Variants in DMAP1 observed in about 807,000 individuals in gnomAD.
DMAP1 encodes DNA methyltransferase 1-associated protein 1.
Under a neutral mutation model 52.7 loss-of-function variants are expected in DMAP1, and 26 were observed. That is an observed-to-expected ratio of 0.49 (90% CI 0.36 to 0.68). The LOEUF is 0.68. Among genes scored for constraint, DMAP1 ranks in the 30% least tolerant of loss-of-function variants. The pLI is 0.00. For synonymous variants in DMAP1, 231 were observed against 246.0 expected, an observed-to-expected ratio of 0.94 and a Z score of 0.57; for missense variants, 439 against 625.2, an observed-to-expected ratio of 0.70 and a Z score of 3.18.
At chr1:44,217,223 CA>C (rs1276748239) in intron 3 of DMAP1, 2 of 152,134 alleles carry the variant, frequency 1.3e-5, no homozygotes, top group African/African-American at 4.8e-5. Context: ...CATCATAGAC[CA>C]GGGGTAAGTG....
intron 2 of DMAP1, 58 bp downstream of exon 2, chr1:44,214,499 C>T (rs1333888998): frequency 1.9e-6 from 3 of 1,613,428 alleles, no homozygotes; most frequent in Non-Finnish European, 2.5e-6. Flanking sequence ...CTGCCATGCC[C>T]CTAACTCCTA....
intron 3 of DMAP1, chr1:44,216,541 G>C (rs897300309): frequency 1.3e-5 from 2 of 152,188 alleles, no homozygotes; most frequent in African/African-American, 4.8e-5. Context: ...TGAGTTGTTG[G>C]TTTGTTTGTT....
chr1:44,216,729 C>T (rs1166789420), intron 3 of DMAP1: 3 of 152,194 alleles, frequency 2.0e-5, no homozygotes, highest in Admixed American at 1.3e-4. Flanking sequence ...AGGGGGAAGT[C>T]TGCTATGTTC....
intron 2 of DMAP1, 42 bp downstream of exon 2, chr1:44,214,483 A>C: frequency 1.2e-6 from 2 of 1,613,588 alleles, no homozygotes; most frequent in Non-Finnish European, 1.7e-6. Context: ...TTGGCCCCTG[A>C]TTCACCTGCC....
In DMAP1 at chr1:44,214,884, G is replaced by T; in HGVS notation, c.379G>T (p.Ala127Ser). Residue 127 changes from alanine (A) to serine (S), a missense_variant, in exon 3 of 10, where the codon GCC becomes TCC. By Grantham distance (99) the Ala-to-Ser change is moderately conservative. This residue lies in a region of DMAP1 where 118 missense variants were observed against 189.8 expected (regional missense o/e 0.62). Transcript: ENST00000372289. ...GGAGGAGGGCAAGGACTACCCCTTT[G>T]CCAGGTTCAATAAGGTAAGCTACCT... ...AAEEGKDYPF[A>S]RFNKTVQVPV... 1 of 1,614,172 alleles carries T rather than the reference G, an allele frequency of 6.2e-7. No individual in the cohort carries two copies. The highest frequency in any genetic ancestry group is 8.5e-7 in the Non-Finnish European group (1 of 1,180,026).
Position 44,218,472 on chromosome 1 carries a change from G to A in DMAP1, c.552+3G>A. On this transcript the variant is annotated splice_donor_region_variant and intron_variant, in intron 4 of 9. Coordinates refer to ENST00000372289, the MANE Select transcript of DMAP1 (RefSeq NM_019100.5). This position sits in a 1 kb window ranked among gnomAD's most constrained non-coding sequence, Gnocchi z 5.6. The stretch of plus-strand genomic sequence containing the variant: ...GGTATGACCACCAGCAGTTCAAGGT[G>A]AGCCATTGTGTATTTGCATGGGTGC... 1.2e-6 allele frequency: 2 copies of A among 1,613,950 alleles called. No homozygotes were observed. Among genetic ancestry groups the A allele is most frequent in the Non-Finnish European group, 1.7e-6 (2 of 1,179,804 alleles).
At chr1:44,214,631 C>T (rs760925702) in intron 2 of DMAP1, 72 bp from the exon 3 acceptor site, 256 of 1,613,284 alleles carry the variant, frequency 1.6e-4, no homozygotes, top group Non-Finnish European at 2.0e-4. Flanking sequence ...GGTAGATCAG[C>T]TCCCTGGGAC....
chr1:44,215,518 A>T (rs1210377898), intron 3 of DMAP1: 2 of 339,580 alleles, frequency 5.9e-6, no homozygotes, highest in Non-Finnish European at 1.2e-5. Flanking sequence ...AACAAACAAC[A>T]AACATGTAAG....
Position 44,213,950 on chromosome 1 carries a change from T to TA in DMAP1, c.105+93dup, listed in dbSNP as rs979910172. On this transcript the variant is annotated intron_variant, in intron 1 of 9. Transcript: ENST00000372289. This position sits in a 1 kb window ranked among gnomAD's most constrained non-coding sequence, Gnocchi z 4.5. ...ACGGGCAAGGGATGGGTGCTACACT[T>TA]ACAGTGAGTTGGGCGATAAAAGGGG... The TA allele has an allele frequency of 1.4e-5, 16 of 1,155,112 alleles. No homozygotes were observed. The highest frequency in any genetic ancestry group is 1.9e-5 in the Non-Finnish European group (15 of 797,138). 71.6% of individuals were successfully genotyped at this position (1,155,112 alleles called of 1,614,324 possible). A position where few individuals can be genotyped will look rare whatever the true frequency, so the allele number is the denominator to read the frequency against.
rs773525336 is a variant in DMAP1, at chr1:44,220,002, G to A, written c.1052-15G>A. The A allele has an allele frequency of 6.9e-6, 11 of 1,597,546 alleles. No homozygotes were observed. Among genetic ancestry groups the A allele is most frequent in the Non-Finnish European group, 8.6e-6 (10 of 1,168,950 alleles). On this transcript the variant is annotated splice_polypyrimidine_tract_variant and intron_variant, in intron 8 of 9. Transcript: ENST00000372289. ...CACCTGGGCTCTGCCCGTGCTGCCT[G>A]CCGCCTGCCTGCAGAGCTGAGCCCG... is the stretch of plus-strand genomic sequence containing the variant.
At chr1:44,214,975 T>C (rs773972985) in intron 3 of DMAP1, 77 bp downstream of exon 3, 30 of 1,565,620 alleles carry the variant, frequency 1.9e-5, no homozygotes, top group Non-Finnish European at 2.6e-5. Context: ...TCCAGTCTCC[T>C]AGGGTTGGTT....
chr1:44,219,080 C>T lies in DMAP1; in HGVS notation c.745C>T (p.Gln249Ter), dbSNP rs1643852652. The T allele has an allele frequency of 2.5e-6, 4 of 1,614,152 alleles. No individual in the cohort carries two copies. Among genetic ancestry groups the T allele is most frequent in the Non-Finnish European group, 2.5e-6 (3 of 1,180,038 alleles). Residue 249 changes from glutamine to a stop codon, truncating the protein, a stop_gained, in exon 6 of 10, where the codon CAG (glutamine) becomes TAG (stop). Transcript: ENST00000372289. LOFTEE classifies it high-confidence loss of function. ...EQVAEEEYLL[Q>*]ELRKIEARKK... is the part of the protein sequence containing the mutation. ...GGTGGCAGAGGAGGAGTACCTGCTA[C>T]AGGAGCTGCGCAAGATTGAGGCCCG...
rs41270411 is a variant in DMAP1, at chr1:44,213,653, C to T, written c.-101C>T. On this transcript the variant is annotated 5_prime_UTR_variant, in exon 1 of 10. Coordinates refer to ENST00000372289, the MANE Select transcript of DMAP1 (RefSeq NM_019100.5). The surrounding 1 kb of genome is among the most constrained non-coding windows in gnomAD (Gnocchi z 4.5). Reference sequence around the variant, plus strand: ...CTCTTGGCCCGCCCCTTCAACTCGCCTCCGCTTAGGTCTGGATTGGCCCCG... The same window carrying T: ...CTCTTGGCCCGCCCCTTCAACTCGCTTCCGCTTAGGTCTGGATTGGCCCCG... 40 of 1,096,002 alleles carry T rather than the reference C, an allele frequency of 3.6e-5. No homozygotes were observed. Among genetic ancestry groups the T allele is most frequent in the Non-Finnish European group, 5.2e-5 (39 of 753,416 alleles). 67.9% of individuals were successfully genotyped at this position (1,096,002 alleles called of 1,614,324 possible). A position where few individuals can be genotyped will look rare whatever the true frequency, so the allele number is the denominator to read the frequency against.
At position 44,218,370 on chromosome 1, in the gene DMAP1, T is replaced by C. The variant is rs151219508; in HGVS notation, c.453T>C (p.Ala151=). Residue 151 remains alanine (A), a synonymous_variant, in exon 4 of 10, where the codon GCT becomes GCC. Coordinates refer to ENST00000372289, the MANE Select transcript of DMAP1 (RefSeq NM_019100.5). This position sits in a 1 kb window ranked among gnomAD's most constrained non-coding sequence, Gnocchi z 5.6. The part of the protein sequence containing the change: ...QEYQLYLHDD[A]WTKAETDHLF... ...ACCAGCTTTATCTCCACGATGATGC[T>C]TGGACTAAGGCAGAAACTGACCACC... 5.8e-5 allele frequency: 93 copies of C among 1,614,110 alleles called. No individual in the cohort carries two copies. The highest frequency in any genetic ancestry group is 1.5e-5 in the Non-Finnish European group (18 of 1,180,042).
At position 44,218,690 on chromosome 1, in the gene DMAP1, G is replaced by A. The variant is rs1260392099; in HGVS notation, c.655G>A (p.Asp219Asn). ...PGTDLKIPVF[D>N]AGHERRRKEQ... ...CACAGACCTTAAGATACCAGTATTT[G>A]ATGCTGGGCACGAACGACGGCGGAA... Residue 219 changes from aspartate (D) to asparagine (N), a missense_variant, in exon 5 of 10, where the codon GAT (aspartate) becomes AAT (asparagine). Asp to Asn is a conservative substitution (Grantham distance 23). Around this residue, in one of 3 missense-constraint regions of DMAP1, gnomAD observed 142 missense variants for 149.5 expected, o/e 0.95. Transcript: ENST00000372289. This position sits in a 1 kb window ranked among gnomAD's most constrained non-coding sequence, Gnocchi z 5.6. 6.2e-7 allele frequency: 1 copy of A among 1,613,752 alleles called. No individual in the cohort carries two copies. The highest frequency in any genetic ancestry group is 8.5e-7 in the Non-Finnish European group (1 of 1,179,838).
At position 44,218,553 on chromosome 1, in the gene DMAP1, G is replaced by C. The variant is rs187803864; in HGVS notation, c.553-35G>C. 9 of 1,608,034 alleles carry C rather than the reference G, an allele frequency of 5.6e-6. No homozygotes were observed. The African/African-American group carries it at 1.1e-4, about 19-fold the overall frequency. ...TATGCCATCTCTTCCACATGCCCCT[G>C]AATGTTCATTCCTCTACCCTGTCTT... On this transcript the variant is annotated intron_variant, in intron 4 of 9. Transcript: ENST00000372289. This position sits in a 1 kb window ranked among gnomAD's most constrained non-coding sequence, Gnocchi z 5.6.
Position 44,213,758 on chromosome 1 carries a change from C to G in DMAP1, c.5C>G (p.Ala2Gly). ...CTCCCCCATCTCTCAGGCGCGATGG[C>G]TACGGGCGCGGATGTACGGGACATT... M[A>G]TGADVRDILE... Residue 2 changes from alanine (A) to glycine (G), a missense_variant, in exon 1 of 10, where the codon GCT becomes GGT. Around this residue, in one of 3 missense-constraint regions of DMAP1, gnomAD observed 118 missense variants for 189.8 expected, o/e 0.62. Coordinates refer to ENST00000372289, the MANE Select transcript of DMAP1 (RefSeq NM_019100.5). The surrounding 1 kb of genome is among the most constrained non-coding windows in gnomAD (Gnocchi z 4.5). The G allele has an allele frequency of 6.3e-7, 1 of 1,578,672 alleles. No individual in the cohort carries two copies. The highest frequency in any genetic ancestry group is 1.2e-5 in the South Asian group (1 of 85,822).
rs764172795 is a variant in DMAP1, at chr1:44,219,755, C to T, written c.979-51C>T. ...TCCCTCTGCCTTTTGTCCCCTTCATCCTAAGCCTCTTGTGGCTGGGACAGG... is the reference window on the plus strand; with the variant it reads ...TCCCTCTGCCTTTTGTCCCCTTCATTCTAAGCCTCTTGTGGCTGGGACAGG... On this transcript the variant is annotated intron_variant, in intron 7 of 9. Transcript: ENST00000372289. 2.5e-6 allele frequency: 4 copies of T among 1,603,924 alleles called. No individual in the cohort carries two copies. The African/African-American group carries it at 5.3e-5, about 21-fold the overall frequency.
chr1:44,216,446 T>G (rs1206112626), intron 3 of DMAP1: 1 of 152,178 alleles, frequency 6.6e-6, no homozygotes, highest in Non-Finnish European at 1.5e-5. Context: ...CCCAGGCTGG[T>G]CTCAAACTCT....
Sources: gnomAD v4.1 joint callset for allele counts on GRCh38, gnomAD v4.1.1 for gene constraint, gnomAD v4.1.1 regional missense constraint, Gnocchi (gnomAD v3.1) non-coding constraint, MANE v1.5 for transcripts, NCBI Gene and HGNC (gene_info 2026-07-23, HGNC 2026-07-21) for gene names.